GATM: variants seen among roughly 807,000 people sequenced by gnomAD.
GATM encodes glycine amidinotransferase, also known as glycine amidinotransferase, mitochondrial.
In GATM, 23 loss-of-function variants were observed where a neutral mutation model predicts 54.2. That is an observed-to-expected ratio of 0.42 (90% confidence interval 0.31 to 0.60). The LOEUF (loss-of-function observed/expected upper bound fraction) is 0.60, where lower values mean the gene tolerates loss of function less well. GATM is among the 20% of genes least tolerant of loss of function. The pLI is 0.14. For missense variants in GATM, 401 were observed against 544.9 expected (o/e 0.74, Z 2.63); for synonymous variants, 168 against 183.1 (o/e 0.92, Z 0.67).
upstream of GATM, chr15:45,380,645 C>T (rs1024089963): frequency 4.6e-5 from 7 of 152,008 alleles, no homozygotes; most frequent in African/African-American, 1.7e-4. Context: ...GGAGGACATC[C>T]TCTTGCCACC....
At chr15:45,390,287 A>G (rs987820999) in intron 3 of GATM, among the ~76,000 whole-genome samples, 1 of 152,198 alleles carries the variant, frequency 6.6e-6, no homozygotes, top group Non-Finnish European at 1.5e-5. Context: ...GTGAGTTCCT[A>G]AGGCAGTTGG....
intron 3 of GATM, among the ~76,000 whole-genome samples, chr15:45,390,142 G>A (rs1889854384): frequency 6.6e-6 from 1 of 152,158 alleles, no homozygotes; most frequent in South Asian, 2.1e-4. Flanking sequence ...ATGAGCCACT[G>A]TGCCCAGCCA....
At chr15:45,389,612 T>C (rs1326208916) in intron 3 of GATM, among the ~76,000 whole-genome samples, 1 of 152,020 alleles carries the variant, frequency 6.6e-6, no homozygotes, top group African/African-American at 2.4e-5. Context: ...CCCAGGTAAT[T>C]TGTGTATTTT....
chr15:45,397,852 T>C (rs1047336471), intron 2 of GATM, among the ~76,000 whole-genome samples: 7 of 152,154 alleles, frequency 4.6e-5, no homozygotes, highest in Admixed American at 1.3e-4. Context: ...AGGTAGATAG[T>C]CTCAGCATTG....
intron 3 of GATM, among the ~76,000 whole-genome samples, chr15:45,388,452 C>T (rs1197236055): frequency 1.3e-5 from 2 of 152,094 alleles, no homozygotes; most frequent in Admixed American, 1.3e-4. Context: ...TGGATCTTAC[C>T]AGTTTTTCCA....
At chr15:45,390,079 C>T (rs1145078) in intron 3 of GATM, among the ~76,000 whole-genome samples, 69,958 of 151,924 alleles carry the variant, frequency 0.46, 20,446 homozygotes, top group East Asian at 0.84. Flanking sequence ...CTCAAACTCC[C>T]GGGCTCAAGC....
intron 1 of GATM, among the ~76,000 whole-genome samples, chr15:45,400,195 C>G (rs2140687426): frequency 6.6e-6 from 1 of 152,276 alleles, no homozygotes; most frequent in Admixed American, 6.5e-5. Context: ...GCACTCAAGA[C>G]TGGGTGACAG....
chr15:45,399,174 C>T (rs1021489837), intron 2 of GATM, among the ~76,000 whole-genome samples: 4 of 152,130 alleles, frequency 2.6e-5, no homozygotes, highest in Admixed American at 6.5e-5. Context: ...TGAATTCCAT[C>T]GGTTTGGATT....
In GATM at chr15:45,364,860, T is replaced by C. The variant is rs745742056; in HGVS notation, c.979A>G (p.Ile327Val). The part of the protein sequence containing the change: ...LSNPDRPCHQ[I>V]DLFKKAGWTI... ...CATCCTGCTTTCTTGAAAAGATCAATCTGTAAGACCAAAAAAAACCCCCAA... is the reference window on the plus strand; with the variant it reads ...CATCCTGCTTTCTTGAAAAGATCAACCTGTAAGACCAAAAAAAACCCCCAA... The change falls in exon 7 of 9, where the codon ATT becomes GTT. Residue 327 changes from isoleucine (I) to valine (V), a missense_variant and splice_region_variant. Coordinates refer to ENST00000396659, the MANE Select transcript of GATM (RefSeq NM_001482.3). 1 of 1,613,770 alleles carries C rather than the reference T, an allele frequency of 6.2e-7. No homozygotes were observed. The highest frequency in any genetic ancestry group is 2.2e-5 in the East Asian group (1 of 44,848).
chr15:45,366,555 A>C, intron 4 of GATM, 47 bp from the exon 5 acceptor site: 1 of 1,607,200 alleles, frequency 6.2e-7, no homozygotes, highest in Non-Finnish European at 8.5e-7. Context: ...GATCATGAGA[A>C]AATTATTCAT....
intron 3 of GATM, among the ~76,000 whole-genome samples, chr15:45,383,564 A>T (rs1889770441): frequency 6.6e-6 from 1 of 151,586 alleles, no homozygotes; most frequent in South Asian, 2.1e-4. Context: ...CTAAACTTAA[A>T]GGCAAAGGCC....
At chr15:45,374,713 A>G (rs1024488304) in intron 2 of GATM, among the ~76,000 whole-genome samples, 1 of 152,198 alleles carries the variant, frequency 6.6e-6, no homozygotes, top group Non-Finnish European at 1.5e-5. Flanking sequence ...GGAATAAGAT[A>G]CTTGGTCTTC....
At position 45,368,004 on chromosome 15, in the gene GATM, C is replaced by G; in HGVS notation, c.675+66G>C. The G allele has an allele frequency of 3.6e-6, 5 of 1,397,972 alleles. No individual in the cohort carries two copies. The highest frequency in any genetic ancestry group is 5.1e-6 in the Non-Finnish European group (5 of 990,044). The allele number at this position is 1,397,972 out of a possible 1,614,324, so 86.6% of individuals were successfully genotyped here. The stretch of plus-strand genomic sequence containing the variant: ...ATATATACAAGGTATCAGAGAATCT[C>G]TATCTTACTCTTTGTGGATCATTTA... On this transcript the variant is annotated intron_variant, in intron 4 of 8. Coordinates refer to ENST00000396659, the MANE Select transcript of GATM (RefSeq NM_001482.3). This position sits in a 1 kb window ranked among gnomAD's most constrained non-coding sequence, Gnocchi z 5.1.
At chr15:45,380,250 A>AG (rs1889722198), upstream of GATM, 1 of 53,394 alleles carries the variant, frequency 1.9e-5, no homozygotes, top group African/African-American at 1.5e-4. Context: ...CCATCTGGGG[A>AG]AAAAAAAAAA....
intron 8 of GATM, 89 bp from the exon 9 acceptor site, chr15:45,362,310 G>A: frequency 1.2e-6 from 1 of 803,430 alleles, no homozygotes; most frequent in Non-Finnish European, 2.2e-6. Flanking sequence ...GAGGAGTCCT[G>A]TGGTTCTAAT....
chr15:45,385,445 G>T lies in GATM; in HGVS notation c.-318-8626C>A, dbSNP rs930893635. Among the ~76,000 whole-genome samples the T allele has an allele frequency of 2.0e-5, 3 of 152,160 alleles. No homozygotes were observed. In the South Asian group the frequency reaches 6.2e-4, roughly 32 times the overall value. On this transcript the variant is annotated intron_variant, in intron 3 of 4. Coordinates refer to the GATM transcript ENST00000561148. ...ATTCAGCATTTGGCAAAATGCTTGGGTCTTAGATGAATAAATACATTTTTC... is the reference window on the plus strand; with the variant it reads ...ATTCAGCATTTGGCAAAATGCTTGGTTCTTAGATGAATAAATACATTTTTC...
At chr15:45,386,007 T>C (rs564132871) in intron 3 of GATM, among the ~76,000 whole-genome samples, 3 of 152,312 alleles carry the variant, frequency 2.0e-5, no homozygotes, top group African/African-American at 7.2e-5. Flanking sequence ...CACTTTCCTG[T>C]GGAGATCCTT....
intron 3 of GATM, among the ~76,000 whole-genome samples, chr15:45,388,516 G>A (rs761394275): frequency 6.6e-5 from 10 of 151,950 alleles, no homozygotes; most frequent in African/African-American, 1.5e-4. Flanking sequence ...ACTATATTTC[G>A]TTGTAATGTC....
At chr15:45,366,987 G>C (rs189449626) in intron 4 of GATM, among the ~76,000 whole-genome samples, 74 of 152,274 alleles carry the variant, frequency 4.9e-4, no homozygotes, top group African/African-American at 1.7e-3. Context: ...TTCAGTATCA[G>C]CATCCACTGA....
Sources: gnomAD v4.1 joint callset for allele counts (sites outside exome capture counted in the v4.1 genomes callset) on GRCh38, gnomAD v4.1.1 for gene constraint, Gnocchi (gnomAD v3.1) non-coding constraint, MANE v1.5 for transcripts, NCBI Gene and HGNC (gene_info 2026-07-23, HGNC 2026-07-21) for gene names.